Variants in NOS1AP observed in about 807,000 individuals in gnomAD.
NOS1AP encodes the protein carboxyl-terminal PDZ ligand of neuronal nitric oxide synthase protein.
Under a neutral mutation model 56.2 loss-of-function variants are expected in NOS1AP, and 21 were observed. The ratio of observed to expected loss-of-function variants is 0.37; its 90% CI spans 0.26 to 0.54. The LOEUF (loss-of-function observed/expected upper bound fraction) is 0.54. NOS1AP is among the 20% of genes least tolerant of loss of function. NOS1AP has a pLI of 0.84. For missense variants in NOS1AP, 522 were observed against 657.8 expected, an observed-to-expected ratio of 0.79 and a Z score of 2.26; for synonymous variants, 270 against 274.6, an observed-to-expected ratio of 0.98 and a Z score of 0.17.
In NOS1AP at chr1:162,228,001, C is replaced by T. The variant is rs150586289; in HGVS notation, c.178-59343C>T. Reference sequence around the variant, plus strand: ...AAATAGAAGGTTGTTAAATAATAGGCCAATATGAAAAGATCCAATTGGAAA... The same window carrying T: ...AAATAGAAGGTTGTTAAATAATAGGTCAATATGAAAAGATCCAATTGGAAA... On this transcript the variant is annotated intron_variant, in intron 2 of 9. Coordinates refer to ENST00000361897, the MANE Select transcript of NOS1AP (RefSeq NM_014697.3). 5.4e-3 allele frequency among the ~76,000 whole-genome samples: 826 copies of T among 152,072 alleles called. 1 individual carries two copies. Among genetic ancestry groups the T allele is most frequent in the Non-Finnish European group, 9.3e-3 (630 of 67,980 alleles).
chr1:162,329,026 G>T (rs1294720346), intron 4 of NOS1AP, among the ~76,000 whole-genome samples: 4 of 152,102 alleles, frequency 2.6e-5, no homozygotes, highest in African/African-American at 9.7e-5. Flanking sequence ...GAATCTAGTT[G>T]TTTTTAAAAT....
chr1:162,145,044 A>T (rs927033451), intron 1 of NOS1AP, among the ~76,000 whole-genome samples: 1 of 152,138 alleles, frequency 6.6e-6, no homozygotes, highest in African/African-American at 2.4e-5. Context: ...TTCTGCTGTG[A>T]TCTCCGGCAC....
chr1:162,273,265 G>A (rs1443274349), intron 2 of NOS1AP, among the ~76,000 whole-genome samples: 1 of 146,118 alleles, frequency 6.8e-6, no homozygotes, highest in Non-Finnish European at 1.5e-5. Flanking sequence ...CCGGGTTCAC[G>A]CCATTCTCCT....
At chr1:162,322,961 T>A (rs1322150094) in intron 4 of NOS1AP, among the ~76,000 whole-genome samples, 3 of 152,212 alleles carry the variant, frequency 2.0e-5, no homozygotes, top group Admixed American at 2.0e-4. Context: ...TTGCTAGGGT[T>A]CCAATTCTAA....
intron 1 of NOS1AP, among the ~76,000 whole-genome samples, chr1:162,073,418 G>T (rs1180835949): frequency 1.3e-5 from 2 of 152,120 alleles, no homozygotes; most frequent in East Asian, 3.9e-4. Flanking sequence ...CAGGTTGCTG[G>T]CCTCTAGAAC....
chr1:162,128,379 G>A (rs745533585), intron 1 of NOS1AP, among the ~76,000 whole-genome samples: 1 of 151,778 alleles, frequency 6.6e-6, no homozygotes, highest in Non-Finnish European at 1.5e-5. Context: ...CTATTTTTGG[G>A]GGTATATTAA....
chr1:162,116,946 A>G (rs1647984600), intron 1 of NOS1AP, among the ~76,000 whole-genome samples: 2 of 152,144 alleles, frequency 1.3e-5, no homozygotes, highest in Admixed American at 6.5e-5. Flanking sequence ...GGGTACTCAT[A>G]TATTTCATCT....
Position 162,094,173 on chromosome 1 carries a change from C to T in NOS1AP, c.105+23891C>T, listed in dbSNP as rs968609380. Among the ~76,000 whole-genome samples, 6 of 152,128 alleles carry T rather than the reference C, an allele frequency of 3.9e-5. 1 individual carries two copies. The South Asian group carries it at 1.2e-3, about 32-fold the overall frequency. On this transcript the variant is annotated intron_variant, in intron 1 of 9. Transcript: ENST00000361897. ...ATGGGTAGGAGTGAGTAGTTACCCTCTTGGGAGGAGGAGGGGGCTTTTACA... is the reference window on the plus strand; with the variant it reads ...ATGGGTAGGAGTGAGTAGTTACCCTTTTGGGAGGAGGAGGGGGCTTTTACA...
At chr1:162,163,420 A>G (rs1174232289) in intron 2 of NOS1AP, among the ~76,000 whole-genome samples, 1 of 152,144 alleles carries the variant, frequency 6.6e-6, no homozygotes, top group Non-Finnish European at 1.5e-5. Context: ...TTCCCCACTC[A>G]TTTGAAAAAA....
chr1:162,237,814 A>C (rs1170013256), intron 2 of NOS1AP, among the ~76,000 whole-genome samples: 1 of 152,200 alleles, frequency 6.6e-6, no homozygotes, highest in Non-Finnish European at 1.5e-5. Context: ...GTGCTCTACA[A>C]ATAAAAAGCT....
intron 1 of NOS1AP, among the ~76,000 whole-genome samples, chr1:162,127,340 T>C (rs936971380): frequency 6.6e-6 from 1 of 152,160 alleles, no homozygotes; most frequent in Non-Finnish European, 1.5e-5. Context: ...GTTTACAAAG[T>C]TTTAATAAAT....
In NOS1AP at chr1:162,346,142, A is replaced by G. The variant is rs575166272; in HGVS notation, c.595+2166A>G. The stretch of plus-strand genomic sequence containing the variant: ...AAATCTTTATTGAATTTGAAAATTC[A>G]TATGCCTTTTGACCCCCAAATTTCC... On this transcript the variant is annotated intron_variant, in intron 6 of 9. Transcript: ENST00000361897. Among the ~76,000 whole-genome samples the G allele has an allele frequency of 9.2e-5, 14 of 152,370 alleles. No individual in the cohort carries two copies. In the South Asian group the frequency reaches 2.9e-3, roughly 32 times the overall value.
chr1:162,214,851 G>A (rs1055816310), intron 2 of NOS1AP, among the ~76,000 whole-genome samples: 4 of 152,144 alleles, frequency 2.6e-5, no homozygotes, highest in Non-Finnish European at 5.9e-5. Context: ...TTGTTTGTTA[G>A]TCATATTTCT....
rs540436788 is a variant in NOS1AP, at chr1:162,260,980, T to C, written c.178-26364T>C. On this transcript the variant is annotated intron_variant, in intron 2 of 9. Coordinates refer to ENST00000361897, the MANE Select transcript of NOS1AP (RefSeq NM_014697.3). Reference sequence around the variant, plus strand: ...TTTCCTCAAAGTTTCAAGCAATAATTATTTCATTAGAATTTGTTATATTCC... The same window carrying C: ...TTTCCTCAAAGTTTCAAGCAATAATCATTTCATTAGAATTTGTTATATTCC... 1.6e-3 allele frequency among the ~76,000 whole-genome samples: 156 copies of C among 97,166 alleles called. 25 individuals carry two copies. Among genetic ancestry groups the C allele is most frequent in the African/African-American group, 6.3e-3 (151 of 23,926 alleles). 63.7% of individuals were successfully genotyped at this position (97,166 alleles called of 152,430 possible).
intron 1 of NOS1AP, among the ~76,000 whole-genome samples, chr1:162,119,770 A>T (rs994321814): frequency 2.0e-5 from 3 of 152,196 alleles, no homozygotes; most frequent in African/African-American, 7.2e-5. Context: ...TTTGTGAGGT[A>T]TTGAAGGGTA....
chr1:162,132,201 G>A (rs1020598501), intron 1 of NOS1AP, among the ~76,000 whole-genome samples: 15 of 152,156 alleles, frequency 9.9e-5, no homozygotes, highest in Non-Finnish European at 5.9e-5. Flanking sequence ...GCCAAATACC[G>A]GATGTGCTAT....
chr1:162,320,229 G>A (rs1656368137), intron 4 of NOS1AP, among the ~76,000 whole-genome samples: 1 of 152,076 alleles, frequency 6.6e-6, no homozygotes, highest in Non-Finnish European at 1.5e-5. Context: ...TCGGTGGTGG[G>A]GAGACAATGA....
intron 2 of NOS1AP, among the ~76,000 whole-genome samples, chr1:162,273,856 TCTAA>T (rs1654661947): frequency 6.6e-6 from 1 of 152,330 alleles, no homozygotes; most frequent in South Asian, 2.1e-4. Context: ...CCAATTCCCC[TCTAA>T]CTTTCTGTAA....
chr1:162,139,557 C>T (rs1447402909), intron 1 of NOS1AP, among the ~76,000 whole-genome samples: 5 of 151,940 alleles, frequency 3.3e-5, no homozygotes, highest in Non-Finnish European at 4.4e-5. Flanking sequence ...GGCTTTGTTA[C>T]GAGAGGAGGA....
Sources: gnomAD v4.1 joint callset for allele counts (sites outside exome capture counted in the v4.1 genomes callset) on GRCh38, gnomAD v4.1.1 for gene constraint, MANE v1.5 for transcripts, NCBI Gene and HGNC (gene_info 2026-07-23, HGNC 2026-07-21) for gene names.